ANKEF1: variants seen among roughly 807,000 people sequenced by gnomAD.
ANKEF1 encodes the protein ankyrin repeat and EF-hand domain containing 1, also known as ankyrin repeat and EF-hand domain-containing protein 1.
A neutral mutation model predicts 65.1 loss-of-function variants in ANKEF1; 43 were observed. The observed-to-expected ratio is 0.66, with a 90% confidence interval of 0.52 to 0.85. ANKEF1 has a LOEUF of 0.85. Ranked by LOEUF, ANKEF1 falls within the 40% of genes least tolerant of loss-of-function variation. The pLI, the probability that ANKEF1 is intolerant of heterozygous loss-of-function variation, is 0.00. For missense variants in ANKEF1, 934 were observed against 952.9 expected (o/e 0.98, Z 0.26); for synonymous variants, 316 against 341.5 (o/e 0.93, Z 0.82).
Position 10,055,865 on chromosome 20 carries a change from G to T in ANKEF1, c.*205G>T. The T allele has an allele frequency of 1.8e-6, 1 of 556,242 alleles. No individual in the cohort carries two copies. The highest frequency in any genetic ancestry group is 3.2e-6 in the Non-Finnish European group (1 of 315,318). The allele number at this position is 556,242 out of a possible 1,614,324, so 34.5% of individuals were successfully genotyped here. On this transcript the variant is annotated 3_prime_UTR_variant, in exon 11 of 11. Coordinates refer to ENST00000378392, the MANE Select transcript of ANKEF1 (RefSeq NM_022096.6). ...TTTGAAATGAATGGTATGTCATTCT[G>T]GATAAATCCCCAAGCCCCTTTATGA... is the stretch of plus-strand genomic sequence containing the variant.
intron 8 of ANKEF1, 137 bp from the exon 9 acceptor site, chr20:10,052,975 T>C: frequency 2.7e-6 from 2 of 729,302 alleles, no homozygotes; most frequent in South Asian, 8.0e-5. Context: ...CTCTGTGAAC[T>C]TCTGTATATA....
intron 6 of ANKEF1, among the ~76,000 whole-genome samples, chr20:10,047,941 T>C (rs1431074083): frequency 6.6e-6 from 1 of 152,074 alleles, no homozygotes; most frequent in Non-Finnish European, 1.5e-5. Context: ...AGGATGAAAA[T>C]CCTTTGGTCC....
In ANKEF1 at chr20:10,055,509, G is replaced by A. The variant is rs1454107988; in HGVS notation, c.2180G>A (p.Ser727Asn). 6 of 1,613,374 alleles carry A rather than the reference G, an allele frequency of 3.7e-6. No individual in the cohort carries two copies. Among genetic ancestry groups the A allele is most frequent in the Non-Finnish European group, 3.4e-6 (4 of 1,179,624 alleles). Residue 727 changes from serine to asparagine, a missense_variant, in exon 11 of 11, where the codon AGT (serine) becomes AAT (asparagine). By Grantham distance (46) the Ser-to-Asn change is conservative. Transcript: ENST00000378392. The stretch of plus-strand genomic sequence containing the variant: ...GCTATTTTTCTTTTTAAGATTTGGA[G>A]TCCTGAAGCCACAACAGCAGAGCTG... Reference protein sequence around the residue: ...DITFIPRRIWSPEATTAELIR... With the variant: ...DITFIPRRIWNPEATTAELIR...
chr20:10,038,738 A>G (rs1984012948), intron 3 of ANKEF1, 91 bp downstream of exon 3: 3 of 995,570 alleles, frequency 3.0e-6, no homozygotes, highest in Non-Finnish European at 4.4e-6. Context: ...CCAACTTTAG[A>G]AGTGAATTAC....
chr20:10,049,828 T>C lies in ANKEF1; in HGVS notation c.1259T>C (p.Met420Thr), dbSNP rs899818746. 2 of 1,613,960 alleles carry C rather than the reference T, an allele frequency of 1.2e-6. No individual in the cohort carries two copies. Among genetic ancestry groups the C allele is most frequent in the East Asian group, 4.5e-5 (2 of 44,894 alleles). Residue 420 changes from methionine to threonine, a missense_variant, in exon 7 of 11, where the codon ATG becomes ACG. Coordinates refer to ENST00000378392, the MANE Select transcript of ANKEF1 (RefSeq NM_022096.6). ...GGACCTAAGAAAAAGGAAAAAGGGATGGGCAAAAAAGGAAAGAAAGGGAAA... is the reference window on the plus strand; with the variant it reads ...GGACCTAAGAAAAAGGAAAAAGGGACGGGCAAAAAAGGAAAGAAAGGGAAA... ...SYGPKKKEKG[M>T]GKKGKKGKFV...
chr20:10,045,470 G>A (rs1050641739), intron 5 of ANKEF1, 104 bp from the exon 6 acceptor site: 3 of 1,119,020 alleles, frequency 2.7e-6, no homozygotes, highest in East Asian at 2.5e-5. Flanking sequence ...ATAGTCATAC[G>A]TGGCTAATTG....
rs1024700385 is a variant in ANKEF1, at chr20:10,056,777, A to C, written c.*1117A>C. Reference sequence around the variant, plus strand: ...TTACCTAACCAGATTACGATTGTGAAAATTTCAACTGTTGTTAAAGCGACT... The same window carrying C: ...TTACCTAACCAGATTACGATTGTGACAATTTCAACTGTTGTTAAAGCGACT... On this transcript the variant is annotated 3_prime_UTR_variant, in exon 11 of 11. Transcript: ENST00000378392. The C allele has an allele frequency of 3.9e-5, 6 of 152,184 alleles. No individual in the cohort carries two copies. The highest frequency in any genetic ancestry group is 1.4e-4 in the African/African-American group (6 of 41,448). The allele number at this position is 152,184 out of a possible 1,614,324, so 9.4% of individuals were successfully genotyped here.
chr20:10,056,140 A>C lies in ANKEF1; in HGVS notation c.*480A>C, dbSNP rs2122290226. On this transcript the variant is annotated 3_prime_UTR_variant, in exon 11 of 11. Coordinates refer to ENST00000378392, the MANE Select transcript of ANKEF1 (RefSeq NM_022096.6). ...GCCTGCTTATTGAAGATACATTTCT[A>C]GTGGAAATTGATGAAACAATTTAGG... The C allele has an allele frequency of 6.5e-6, 1 of 153,340 alleles. No individual in the cohort carries two copies. Among genetic ancestry groups the C allele is most frequent in the East Asian group, 1.9e-4 (1 of 5,198 alleles). 9.5% of individuals were successfully genotyped at this position (153,340 alleles called of 1,614,324 possible).
chr20:10,057,949 C>T lies in ANKEF1; in HGVS notation c.*2289C>T, dbSNP rs1053643864. ...TAAGAAGAACACAAGCCACTTTTAT[C>T]TTGTAAAATGTCTCTCAACTTTGGT... On this transcript the variant is annotated 3_prime_UTR_variant, in exon 11 of 11. Coordinates refer to ENST00000378392, the MANE Select transcript of ANKEF1 (RefSeq NM_022096.6). The T allele has an allele frequency of 6.6e-6, 1 of 152,104 alleles. No homozygotes were observed. The highest frequency in any genetic ancestry group is 2.4e-5 in the African/African-American group (1 of 41,400). The allele number at this position is 152,104 out of a possible 1,614,324, so 9.4% of individuals were successfully genotyped here.
At chr20:10,038,179 A>G in intron 2 of ANKEF1, 79 bp from the exon 3 acceptor site, 2 of 566,280 alleles carry the variant, frequency 3.5e-6, no homozygotes, top group Non-Finnish European at 5.9e-6. Flanking sequence ...TTCTTAAGGA[A>G]GTTCCAAAAT....
intron 6 of ANKEF1, among the ~76,000 whole-genome samples, chr20:10,048,264 TTTC>T (rs201015698): frequency 7.6e-5 from 11 of 145,688 alleles, no homozygotes; most frequent in African/African-American, 1.3e-4. Context: ...TAGATTTATT[TTTC>T]TTTTTTTACT....
At chr20:10,055,477 G>A in intron 10 of ANKEF1, 25 bp from the exon 11 acceptor site, 1 of 1,609,304 alleles carries the variant, frequency 6.2e-7, no homozygotes, top group Admixed American at 1.7e-5. Context: ...ATACCTGCTG[G>A]GGTATGGCTA....
At chr20:10,041,146 C>T (rs1342400721) in intron 3 of ANKEF1, among the ~76,000 whole-genome samples, 1 of 151,676 alleles carries the variant, frequency 6.6e-6, no homozygotes, top group East Asian at 1.9e-4. Flanking sequence ...ATTGTGAAGG[C>T]AAAATATATC....
In ANKEF1 at chr20:10,049,490, G is replaced by A; in HGVS notation, c.921G>A (p.Glu307=). The change falls in exon 7 of 11, where the codon GAG becomes GAA. Residue 307 remains glutamate (E), a synonymous_variant. Transcript: ENST00000378392. ...CAAGCAAAGAAATACGCCGAGCAGA[G>A]AGAATCGCTAATAAACTAGCCAGGC... The part of the protein sequence containing the change: ...KAASKEIRRA[E]RIANKLARPG... 6.2e-7 allele frequency: 1 copy of A among 1,614,168 alleles called. No individual in the cohort carries two copies. Among genetic ancestry groups the A allele is most frequent in the Non-Finnish European group, 8.5e-7 (1 of 1,180,024 alleles).
chr20:10,039,046 G>A (rs1015536762), intron 3 of ANKEF1, among the ~76,000 whole-genome samples: 1 of 152,124 alleles, frequency 6.6e-6, no homozygotes, highest in African/African-American at 2.4e-5. Flanking sequence ...GACTCCAAAA[G>A]GATTTTGACC....
chr20:10,044,565 T>TA, intron 5 of ANKEF1, 22 bp downstream of exon 5: 1 of 1,609,580 alleles, frequency 6.2e-7, no homozygotes, highest in Non-Finnish European at 8.5e-7. Flanking sequence ...TTCTTTGCTT[T>TA]AAAATTTGTT....
rs910068575 is a variant in ANKEF1 at position 10,057,277 on chromosome 20, T to A, written c.*1617T>A. ...TGAAGCAGGTAACCAGGCCCACCCCTCTGGAGGAGACAGACCTGAACAGGG... is the reference window on the plus strand; with the variant it reads ...TGAAGCAGGTAACCAGGCCCACCCCACTGGAGGAGACAGACCTGAACAGGG... On this transcript the variant is annotated 3_prime_UTR_variant, in exon 11 of 11. Coordinates refer to ENST00000378392, the MANE Select transcript of ANKEF1 (RefSeq NM_022096.6). 5 of 152,260 alleles carry A rather than the reference T, an allele frequency of 3.3e-5. No homozygotes were observed. Among genetic ancestry groups the A allele is most frequent in the African/African-American group, 1.2e-4 (5 of 41,462 alleles). The allele number at this position is 152,260 out of a possible 1,614,324, so 9.4% of individuals were successfully genotyped here.
chr20:10,053,274 A>G lies in ANKEF1; in HGVS notation c.2033A>G (p.Glu678Gly), dbSNP rs1022598891. 4.4e-6 allele frequency: 7 copies of G among 1,586,814 alleles called. No individual in the cohort carries two copies. The highest frequency in any genetic ancestry group is 6.0e-6 in the Non-Finnish European group (7 of 1,172,704). The change falls in exon 9 of 11, where the codon GAG (glutamate) becomes GGG (glycine). Residue 678 changes from glutamate to glycine, a missense_variant and splice_region_variant. Physicochemically the swap from Glu to Gly is moderately conservative, Grantham distance 98. Transcript: ENST00000378392. Reference sequence around the variant, plus strand: ...GAAGGCCCTGAAATTAAGAAAGAAGAGGTAAGAAAAATGGTTGACTACCCA... The same window carrying G: ...GAAGGCCCTGAAATTAAGAAAGAAGGGGTAAGAAAAATGGTTGACTACCCA... ...KTEGPEIKKE[E>G]ELLSSIYGVP...
At position 10,035,234 on chromosome 20, in the gene ANKEF1, G is replaced by A. The variant is rs1466594868; in HGVS notation, c.-208G>A. On this transcript the variant is annotated 5_prime_UTR_variant, in exon 1 of 11. Coordinates refer to ENST00000378392, the MANE Select transcript of ANKEF1 (RefSeq NM_022096.6). ...GGTCGCGGCTGGGCCAGCGCTGAGCGTCAGAGGACGAGAGCAGGGGCCTCC... is the reference window on the plus strand; with the variant it reads ...GGTCGCGGCTGGGCCAGCGCTGAGCATCAGAGGACGAGAGCAGGGGCCTCC... The A allele has an allele frequency of 1.3e-5, 2 of 152,416 alleles. No homozygotes were observed. The highest frequency in any genetic ancestry group is 4.8e-5 in the African/African-American group (2 of 41,476). 9.4% of individuals were successfully genotyped at this position (152,416 alleles called of 1,614,324 possible).
Sources: allele counts gnomAD v4.1 joint callset (sites outside exome capture counted in the v4.1 genomes callset), GRCh38; gene constraint gnomAD v4.1.1; transcripts MANE v1.5; gene names NCBI Gene and HGNC (gene_info 2026-07-23, HGNC 2026-07-21).